Variants in BNC2 observed in about 807,000 individuals in gnomAD.
The protein encoded by BNC2 is zinc finger protein basonuclin-2.
A neutral mutation model predicts 76.3 loss-of-function variants in BNC2; 20 were observed. The observed-to-expected ratio is 0.26, with a 90% CI of 0.18 to 0.38. The LOEUF (loss-of-function observed/expected upper bound fraction) is 0.38. Among genes scored for constraint, BNC2 ranks in the 10% least tolerant of loss-of-function variants. The pLI is 1.00. For synonymous variants in BNC2, 582 were observed against 514.8 expected (o/e 1.13, Z -1.77); for missense variants, 1,382 against 1,399.8 (o/e 0.99, Z 0.20).
intron 6 of BNC2, among the ~76,000 whole-genome samples, chr9:16,424,561 TAAC>T (rs1000455116): frequency 2.0e-5 from 3 of 152,164 alleles, no homozygotes; most frequent in African/African-American, 7.2e-5. Context: ...AGAATGATCA[TAAC>T]AACATATACA....
rs535643284 is a variant in BNC2, at chr9:16,445,460, C to T, written c.670-7936G>A. 2.6e-5 allele frequency among the ~76,000 whole-genome samples: 4 copies of T among 152,072 alleles called. No homozygotes were observed. The South Asian group carries it at 6.2e-4, about 24-fold the overall frequency. On this transcript the variant is annotated intron_variant, in intron 5 of 6. Coordinates refer to ENST00000380672, the MANE Select transcript of BNC2 (RefSeq NM_017637.6). ...GAATGAAACATACTCATTCATATCA[C>T]GGTTGTATGTACCAAATGGTTCAAA... is the stretch of plus-strand genomic sequence containing the variant.
At chr9:16,690,275 G>A (rs1226428471) in intron 3 of BNC2, among the ~76,000 whole-genome samples, 1 of 152,072 alleles carries the variant, frequency 6.6e-6, no homozygotes, top group Non-Finnish European at 1.5e-5. Context: ...AGGAGACCAG[G>A]AGTTCTAGAC....
chr9:16,550,034 A>C (rs1482219664), intron 5 of BNC2, among the ~76,000 whole-genome samples: 6 of 152,088 alleles, frequency 3.9e-5, no homozygotes, highest in African/African-American at 1.4e-4. Flanking sequence ...TATTACAATA[A>C]ATGAAAATGC....
At chr9:16,751,605 AATAT>A (rs200968001) in intron 1 of BNC2, among the ~76,000 whole-genome samples, 1 of 23,138 alleles carries the variant, frequency 4.3e-5, no homozygotes, top group African/African-American at 7.9e-5. Flanking sequence ...CCCCAGCACA[AATAT>A]ATATATGTGT....
rs370052897 is a variant in BNC2 at position 16,549,773 on chromosome 9, C to T, written c.669+2757G>A. On this transcript the variant is annotated intron_variant, in intron 5 of 6. Coordinates refer to ENST00000380672, the MANE Select transcript of BNC2 (RefSeq NM_017637.6). ...GGACCATTTGCTTTTTTTTCCAAAC[C>T]GAGAACTGTTTTAACAAAGAACAAG... is the stretch of plus-strand genomic sequence containing the variant. 4.6e-5 allele frequency among the ~76,000 whole-genome samples: 7 copies of T among 151,868 alleles called. No homozygotes were observed. The East Asian group carries it at 9.7e-4, about 21-fold the overall frequency.
At chr9:16,709,870 A>C (rs1264859760) in intron 3 of BNC2, among the ~76,000 whole-genome samples, 1 of 152,174 alleles carries the variant, frequency 6.6e-6, no homozygotes, top group Non-Finnish European at 1.5e-5. Flanking sequence ...AAAGTGTTTT[A>C]ATTAAGATTA....
chr9:16,657,822 T>G (rs1821974366), intron 3 of BNC2, among the ~76,000 whole-genome samples: 1 of 152,324 alleles, frequency 6.6e-6, no homozygotes, highest in Admixed American at 6.5e-5. Flanking sequence ...TATATCATAC[T>G]ATGATGTCAC....
Position 16,552,616 on chromosome 9 carries a change from T to C in BNC2, c.583A>G (p.Ser195Gly). 1 of 1,614,218 alleles carries C rather than the reference T, an allele frequency of 6.2e-7. No individual in the cohort carries two copies. The highest frequency in any genetic ancestry group is 8.5e-7 in the Non-Finnish European group (1 of 1,180,044). ...AGTACCTCCTCTTGCTTCAGGACGC[T>C]GAAGAGACGGTCCAGCAGGATCTTT... is the stretch of plus-strand genomic sequence containing the variant. ...RLKILLDRLF[S>G]VLKQEEVLHI... The change falls in exon 5 of 7, where the codon AGC becomes GGC. Residue 195 changes from serine to glycine, a missense_variant. Transcript: ENST00000380672.
Position 16,409,941 on chromosome 9 carries a change from A to G in BNC2, c.*9048T>C, listed in dbSNP as rs1181383851. 6.6e-6 allele frequency: 1 copy of G among 152,466 alleles called. No individual in the cohort carries two copies. Among genetic ancestry groups the G allele is most frequent in the Non-Finnish European group, 1.5e-5 (1 of 68,040 alleles). The allele number at this position is 152,466 out of a possible 1,614,324, so 9.4% of individuals were successfully genotyped here. On this transcript the variant is annotated 3_prime_UTR_variant, in exon 7 of 7. Coordinates refer to ENST00000380672, the MANE Select transcript of BNC2 (RefSeq NM_017637.6). Reference sequence around the variant, plus strand: ...CAATATAAACAAAAAAAAGGAATAAACAGCTAAACTCTGGGAGAGGGAGAG... The same window carrying G: ...CAATATAAACAAAAAAAAGGAATAAGCAGCTAAACTCTGGGAGAGGGAGAG...
At chr9:16,687,209 T>A (rs2383003) in intron 3 of BNC2, among the ~76,000 whole-genome samples, 122,730 of 150,214 alleles carry the variant, frequency 0.82, 49,832 homozygotes, top group Middle Eastern at 0.9. Flanking sequence ...AATTTAATTT[T>A]AAAAAAAAAT....
At chr9:16,516,247 T>C (rs1249436402) in intron 5 of BNC2, among the ~76,000 whole-genome samples, 1 of 152,146 alleles carries the variant, frequency 6.6e-6, no homozygotes, top group Non-Finnish European at 1.5e-5. Flanking sequence ...GTTTGTTTTT[T>C]TTCAGTCCTA....
chr9:16,422,556 T>A (rs1281939085), intron 6 of BNC2, among the ~76,000 whole-genome samples: 1 of 152,210 alleles, frequency 6.6e-6, no homozygotes, highest in East Asian at 1.9e-4. Flanking sequence ...ATCTATTTCA[T>A]TTTTGTTTAA....
intron 1 of BNC2, among the ~76,000 whole-genome samples, chr9:16,790,426 C>T (rs1183672559): frequency 1.3e-5 from 2 of 152,148 alleles, no homozygotes; most frequent in Admixed American, 6.5e-5. Context: ...TTATTTAGTA[C>T]TCTAAAACAT....
chr9:16,752,675 T>A (rs1038947468), intron 1 of BNC2, among the ~76,000 whole-genome samples: 22 of 152,200 alleles, frequency 1.4e-4, no homozygotes, highest in African/African-American at 5.1e-4. Flanking sequence ...TTATTCTAGA[T>A]TCTCTCTCTA....
chr9:16,598,989 A>G (rs1168913861), intron 3 of BNC2, among the ~76,000 whole-genome samples: 1 of 152,250 alleles, frequency 6.6e-6, no homozygotes, highest in Admixed American at 6.5e-5. Flanking sequence ...CAACAAAAGT[A>G]TACTTCAAGG....
chr9:16,709,764 A>C (rs2134702849), intron 3 of BNC2, among the ~76,000 whole-genome samples: 1 of 152,358 alleles, frequency 6.6e-6, no homozygotes, highest in South Asian at 2.1e-4. Context: ...AAATTAAAGT[A>C]TGATCAGACT....
intron 3 of BNC2, among the ~76,000 whole-genome samples, chr9:16,722,427 T>C (rs930039329): frequency 6.6e-6 from 1 of 152,186 alleles, no homozygotes; most frequent in Non-Finnish European, 1.5e-5. Context: ...GCATGAATAA[T>C]TGGATTTATC....
At chr9:16,611,070 T>C (rs2133426077) in intron 3 of BNC2, among the ~76,000 whole-genome samples, 1 of 152,170 alleles carries the variant, frequency 6.6e-6, no homozygotes, top group Admixed American at 6.6e-5. Flanking sequence ...ATCCAGATCC[T>C]TGTCAAAAAA....
intron 1 of BNC2, among the ~76,000 whole-genome samples, chr9:16,814,290 TAC>T (rs745480140): frequency 7.9e-5 from 12 of 152,178 alleles, no homozygotes; most frequent in Admixed American, 3.9e-4. Flanking sequence ...GACACACACA[TAC>T]ACACACACTC....
Sources: gnomAD v4.1 joint callset for allele counts (sites outside exome capture counted in the v4.1 genomes callset) on GRCh38, gnomAD v4.1.1 for gene constraint, MANE v1.5 for transcripts, NCBI Gene and HGNC (gene_info 2026-07-23, HGNC 2026-07-21) for gene names.